Variants in PAH observed in about 807,000 individuals in gnomAD.
The protein encoded by PAH is phenylalanine hydroxylase, also known as phenylalanine-4-hydroxylase.
A neutral mutation model predicts 62.0 loss-of-function variants in PAH; 64 were observed. That is an observed-to-expected ratio of 1.03 (90% CI 0.84 to 1.27). The LOEUF (loss-of-function observed/expected upper bound fraction) is 1.27. PAH is among the 50% of genes most tolerant of loss of function. The pLI is 0.00. For synonymous variants in PAH, 195 were observed against 196.2 expected (o/e 0.99, Z 0.05); for missense variants, 579 against 542.8 (o/e 1.07, Z -0.66).
At chr12:102,923,506 G>T (rs1445634768) in intron 1 of PAH, 1 of 152,164 alleles carries the variant, frequency 6.6e-6, no homozygotes, top group African/African-American at 2.4e-5. Flanking sequence ...TAAATTTATT[G>T]CTGTGGGACC....
rs199475626 is a variant in PAH at position 102,866,612 on chromosome 12, C to G, written c.493G>C (p.Ala165Pro). 2 of 1,613,606 alleles carry G rather than the reference C, an allele frequency of 1.2e-6. No homozygotes were observed. The highest frequency in any genetic ancestry group is 1.7e-6 in the Non-Finnish European group (2 of 1,179,602). Residue 165 changes from alanine (A) to proline (P), a missense_variant, in exon 5 of 13, where the codon GCC (alanine) becomes CCC (proline). Ala to Pro is a conservative substitution (Grantham distance 27, BLOSUM62 -1). Coordinates refer to ENST00000553106, the MANE Select transcript of PAH (RefSeq NM_000277.3). ...RARRKQFADI[A>P]YNYRHGQPIP... ...CAGACTTACTGGCGGTAGTTGTAGGCAATGTCAGCAAACTGCTTCCGTCTT... is the reference window on the plus strand; with the variant it reads ...CAGACTTACTGGCGGTAGTTGTAGGGAATGTCAGCAAACTGCTTCCGTCTT...
intron 1 of PAH, among the ~76,000 whole-genome samples, chr12:102,938,714 T>C (rs1314615300): frequency 6.6e-6 from 1 of 152,126 alleles, no homozygotes; most frequent in Non-Finnish European, 1.5e-5. Context: ...GGCCCTCACC[T>C]CTACTTCCCT....
At chr12:102,890,780 T>A (rs574129176) in intron 3 of PAH, among the ~76,000 whole-genome samples, 9 of 152,300 alleles carry the variant, frequency 5.9e-5, no homozygotes, top group African/African-American at 2.2e-4. Flanking sequence ...GATGCCTCTA[T>A]GTGAAAACAT....
At chr12:102,896,484 G>T (rs943958980) in intron 2 of PAH, among the ~76,000 whole-genome samples, 1 of 152,212 alleles carries the variant, frequency 6.6e-6, no homozygotes, top group Non-Finnish European at 1.5e-5. Flanking sequence ...TAATTTCTAT[G>T]TTGAGAATAA....
At chr12:102,888,838 G>A (rs1433973808) in intron 3 of PAH, among the ~76,000 whole-genome samples, 1 of 152,032 alleles carries the variant, frequency 6.6e-6, no homozygotes, top group East Asian at 1.9e-4. Flanking sequence ...CCAATCCTGT[G>A]TGTTTTTGCA....
intron 9 of PAH, among the ~76,000 whole-genome samples, chr12:102,844,783 C>A (rs1874763102): frequency 6.6e-6 from 1 of 152,158 alleles, no homozygotes; most frequent in Non-Finnish European, 1.5e-5. Context: ...GGGACTCGCA[C>A]CCAACCACCA....
intron 1 of PAH, among the ~76,000 whole-genome samples, chr12:102,936,982 C>A (rs1488705726): frequency 6.6e-6 from 1 of 152,198 alleles, no homozygotes; most frequent in Admixed American, 6.5e-5. Flanking sequence ...TACCCTCAAG[C>A]TGTTCTCGTG....
chr12:102,899,356 C>T (rs1877643638), intron 2 of PAH, among the ~76,000 whole-genome samples: 1 of 152,094 alleles, frequency 6.6e-6, no homozygotes, highest in Non-Finnish European at 1.5e-5. Context: ...CATACCCCAC[C>T]CCTGGAAGCA....
At chr12:102,864,259 T>TG (rs1875851275) in intron 5 of PAH, among the ~76,000 whole-genome samples, 1 of 152,164 alleles carries the variant, frequency 6.6e-6, no homozygotes, top group African/African-American at 2.4e-5. Context: ...CCTGAGGAGA[T>TG]GAGGCCTCGG....
At chr12:102,899,323 C>T (rs1052198639) in intron 2 of PAH, among the ~76,000 whole-genome samples, 1 of 152,108 alleles carries the variant, frequency 6.6e-6, no homozygotes, top group Non-Finnish European at 1.5e-5. Flanking sequence ...GGAAGCAGAC[C>T]ATAGGATACA....
intron 3 of PAH, among the ~76,000 whole-genome samples, chr12:102,878,370 C>A (rs1183870000): frequency 6.6e-6 from 1 of 152,088 alleles, no homozygotes; most frequent in Non-Finnish European, 1.5e-5. Context: ...TTCAGACTTG[C>A]TTCTGAGCCA....
chr12:102,905,871 A>G (rs1397247246), intron 2 of PAH, among the ~76,000 whole-genome samples: 1 of 152,144 alleles, frequency 6.6e-6, no homozygotes, highest in East Asian at 1.9e-4. Context: ...TCCAAAACAC[A>G]TGAAAAAATG....
intron 3 of PAH, 127 bp from the exon 4 acceptor site, chr12:102,877,677 C>CA: frequency 1.3e-6 from 1 of 745,292 alleles, no homozygotes; most frequent in Non-Finnish European, 2.4e-6. Flanking sequence ...AGATAACCCC[C>CA]AAATTACTAT....
At chr12:102,843,231 G>T (rs1874666212) in intron 11 of PAH, among the ~76,000 whole-genome samples, 1 of 152,170 alleles carries the variant, frequency 6.6e-6, no homozygotes, top group Admixed American at 6.5e-5. Context: ...GTAGAAATAA[G>T]TTGGTTAGAG....
intron 4 of PAH, among the ~76,000 whole-genome samples, chr12:102,867,806 T>TC (rs1447340612): frequency 1.3e-5 from 2 of 148,492 alleles, no homozygotes; most frequent in African/African-American, 5.0e-5. Context: ...GAGAGTTTTC[T>TC]CTCTCTCTCT....
intron 4 of PAH, among the ~76,000 whole-genome samples, chr12:102,869,299 A>G (rs1440479097): frequency 1.3e-5 from 2 of 152,242 alleles, no homozygotes; most frequent in East Asian, 1.9e-4. Flanking sequence ...GATATTATCA[A>G]TTATGTCAAT....
At chr12:102,935,408 T>C (rs1158491352) in intron 1 of PAH, among the ~76,000 whole-genome samples, 2 of 152,146 alleles carry the variant, frequency 1.3e-5, no homozygotes, top group African/African-American at 4.8e-5. Flanking sequence ...AATGGCCTTG[T>C]AGAATGAGTT....
exon 1 of PAH, chr12:102,958,285 AGCAGCCCCAGCC>A (rs752400009): frequency 7.4e-6 from 11 of 1,477,126 alleles, no homozygotes; most frequent in African/African-American, 2.9e-5. Flanking sequence ...GGCGCCGGCC[AGCAGCCCCAGCC>A]GCAGCCCCAG....
exon 1 of PAH, chr12:102,958,335 T>C: frequency 6.8e-7 from 1 of 1,463,318 alleles, no homozygotes; most frequent in Non-Finnish European, 9.0e-7. Context: ...CGCAGCCTGT[T>C]TCTTTGCCAC....
Sources: gnomAD v4.1 joint callset for allele counts (sites outside exome capture counted in the v4.1 genomes callset) on GRCh38, gnomAD v4.1.1 for gene constraint, MANE v1.5 for transcripts, NCBI Gene and HGNC (gene_info 2026-07-23, HGNC 2026-07-21) for gene names.